The following CD2AP variants were observed in gnomAD, a reference collection of about 807,000 sequenced individuals.
CD2AP encodes CD2-associated protein.
CD2AP carries 46 observed loss-of-function variants against 85.1 expected under a neutral mutation model. The observed-to-expected ratio is 0.54, with a 90% CI of 0.43 to 0.69. The LOEUF is 0.69. CD2AP is among the 30% of genes least tolerant of loss of function. The pLI is 0.00. For synonymous variants in CD2AP, 255 were observed against 252.9 expected, an observed-to-expected ratio of 1.01 and a Z score of -0.08; for missense variants, 769 against 729.5, an observed-to-expected ratio of 1.05 and a Z score of -0.62.
intron 3 of CD2AP, 28 bp from the exon 4 acceptor site, chr6:47,544,578 T>A (rs1235856980): frequency 2.2e-6 from 3 of 1,357,470 alleles, no homozygotes; most frequent in Non-Finnish European, 3.2e-6. Flanking sequence ...ATTCTTAATC[T>A]AATTTCTTAT....
At chr6:47,590,650 T>G (rs1768768517) in intron 11 of CD2AP, among the ~76,000 whole-genome samples, 1 of 152,086 alleles carries the variant, frequency 6.6e-6, no homozygotes, top group Non-Finnish European at 1.5e-5. Flanking sequence ...ATGTGTGCTT[T>G]TGGTATACGT....
At chr6:47,535,571 C>T (rs1767016998) in intron 3 of CD2AP, among the ~76,000 whole-genome samples, 1 of 152,104 alleles carries the variant, frequency 6.6e-6, no homozygotes, top group Admixed American at 6.5e-5. Flanking sequence ...ACACTTGGAC[C>T]AATTCTAGGG....
chr6:47,610,971 A>G (rs199761911), intron 16 of CD2AP, among the ~76,000 whole-genome samples: 1 of 112,908 alleles, frequency 8.9e-6, no homozygotes, highest in Non-Finnish European at 1.8e-5. Flanking sequence ...ATATATATGT[A>G]TTTTTTTTTT....
At chr6:47,535,741 GT>G (rs1302399088) in intron 3 of CD2AP, among the ~76,000 whole-genome samples, 3 of 152,200 alleles carry the variant, frequency 2.0e-5, no homozygotes, top group Non-Finnish European at 4.4e-5. Flanking sequence ...ACAAATAACA[GT>G]TTTATATCAT....
At chr6:47,611,580 C>T (rs1272053393) in intron 16 of CD2AP, among the ~76,000 whole-genome samples, 3 of 151,588 alleles carry the variant, frequency 2.0e-5, no homozygotes, top group East Asian at 3.9e-4. Flanking sequence ...AAATTCCTTC[C>T]TTATGTATTT....
intron 13 of CD2AP, among the ~76,000 whole-genome samples, chr6:47,603,300 A>G (rs1266777314): frequency 6.6e-6 from 1 of 152,090 alleles, no homozygotes; most frequent in Non-Finnish European, 1.5e-5. Flanking sequence ...TTAAAGTAAT[A>G]TTTAACATAT....
chr6:47,479,245 T>C (rs1315275360), intron 1 of CD2AP, among the ~76,000 whole-genome samples: 1 of 152,204 alleles, frequency 6.6e-6, no homozygotes. Flanking sequence ...CTTTTTGCAG[T>C]TGAGAGTTGG....
At chr6:47,556,401 A>G (rs944507284) in intron 5 of CD2AP, among the ~76,000 whole-genome samples, 1 of 149,028 alleles carries the variant, frequency 6.7e-6, no homozygotes, top group Non-Finnish European at 1.5e-5. Context: ...TTTTTTTTTT[A>G]ATTTTGTTTT....
chr6:47,588,379 GTA>G (rs1411535388), intron 11 of CD2AP, among the ~76,000 whole-genome samples: 1 of 152,054 alleles, frequency 6.6e-6, no homozygotes, highest in East Asian at 1.9e-4. Context: ...TACACAATAG[GTA>G]TATAATACAT....
At chr6:47,549,527 C>G (rs1431049414) in intron 4 of CD2AP, among the ~76,000 whole-genome samples, 1 of 142,646 alleles carries the variant, frequency 7.0e-6, no homozygotes, top group Non-Finnish European at 1.5e-5. Flanking sequence ...AAGACCTCAA[C>G]AAGAAAAACT....
At chr6:47,605,899 A>C (rs959610498) in intron 13 of CD2AP, among the ~76,000 whole-genome samples, 3 of 151,900 alleles carry the variant, frequency 2.0e-5, no homozygotes, top group African/African-American at 7.2e-5. Flanking sequence ...TTTTGTTGAG[A>C]TCTAGGTCTC....
chr6:47,559,020 C>G (rs1413637058), intron 5 of CD2AP, among the ~76,000 whole-genome samples: 1 of 152,080 alleles, frequency 6.6e-6, no homozygotes, highest in Non-Finnish European at 1.5e-5. Context: ...TTGGTCTATT[C>G]AGGGATTTGG....
chr6:47,619,059 A>T (rs1769674662), intron 17 of CD2AP, among the ~76,000 whole-genome samples: 2 of 152,188 alleles, frequency 1.3e-5, no homozygotes. Flanking sequence ...AAACTCTAGC[A>T]ATGTATTTGC....
chr6:47,518,984 T>G (rs1011837867), intron 2 of CD2AP, among the ~76,000 whole-genome samples: 2 of 152,222 alleles, frequency 1.3e-5, no homozygotes, highest in African/African-American at 4.8e-5. Flanking sequence ...TTCAGTTGTT[T>G]TATTCTTATC....
At chr6:47,533,837 G>T (rs1280710674) in intron 3 of CD2AP, 82 bp downstream of exon 3, 4 of 1,433,130 alleles carry the variant, frequency 2.8e-6, no homozygotes, top group Admixed American at 3.8e-5. Flanking sequence ...AGAAAAATTA[G>T]TTCAGTCTTT....
In CD2AP at chr6:47,538,385, G is replaced by A. The variant is rs763872139; in HGVS notation, c.319+4630G>A. On this transcript the variant is annotated intron_variant, in intron 3 of 17. Coordinates refer to ENST00000359314, the MANE Select transcript of CD2AP (RefSeq NM_012120.3). ...ACGTCCCAAGTAGCTGGGATTACAG[G>A]CGTGCACCACCATGCCTGGCTACCT... Among the ~76,000 whole-genome samples, 45 of 152,076 alleles carry A rather than the reference G, an allele frequency of 3.0e-4. No individual in the cohort carries two copies. In the South Asian group the frequency reaches 7.3e-3, roughly 25 times the overall value.
At chr6:47,554,809 T>C (rs1582552825) in intron 5 of CD2AP, 43 bp downstream of exon 5, 2 of 1,506,230 alleles carry the variant, frequency 1.3e-6, no homozygotes, top group East Asian at 2.5e-5. Flanking sequence ...AAATAAACTT[T>C]ATATAGCATC....
At chr6:47,577,846 G>A (rs1477642586) in intron 8 of CD2AP, among the ~76,000 whole-genome samples, 6 of 151,890 alleles carry the variant, frequency 4.0e-5, no homozygotes, top group Non-Finnish European at 8.8e-5. Context: ...CCAAAGTGCC[G>A]AGATTACAGG....
intron 4 of CD2AP, among the ~76,000 whole-genome samples, chr6:47,546,415 TA>T (rs527835727): frequency 9.3e-5 from 14 of 149,800 alleles, no homozygotes; most frequent in African/African-American, 2.4e-4. Flanking sequence ...TCTAAAAGTT[TA>T]AAAAAAAAAT....
Sources: gnomAD v4.1 joint callset for allele counts (sites outside exome capture counted in the v4.1 genomes callset) on GRCh38, gnomAD v4.1.1 for gene constraint, MANE v1.5 for transcripts, NCBI Gene and HGNC (gene_info 2026-07-23, HGNC 2026-07-21) for gene names.